Variants in YEATS2 observed in about 807,000 individuals in gnomAD.
YEATS2 encodes the protein YEATS domain containing 2.
YEATS2 carries 77 observed loss-of-function variants against 163.2 expected under a neutral mutation model. The ratio of observed to expected loss-of-function variants is 0.47; its 90% confidence interval spans 0.39 to 0.57. YEATS2 has a LOEUF of 0.57. Among genes scored for constraint, YEATS2 ranks in the 20% least tolerant of loss-of-function variants. The pLI, the probability that YEATS2 is intolerant of heterozygous loss-of-function variation, is 0.00. For missense variants in YEATS2, 1,549 were observed against 1,729.8 expected (o/e 0.90, Z 1.85); for synonymous variants, 631 against 645.1 (o/e 0.98, Z 0.33).
intron 1 of YEATS2, among the ~76,000 whole-genome samples, chr3:183,714,220 G>A (rs1715578610): frequency 6.7e-6 from 1 of 148,952 alleles, no homozygotes. Context: ...TTTTGAGATG[G>A]AGTCTCGCTC....
chr3:183,804,051 A>G lies in YEATS2; in HGVS notation c.3647A>G (p.His1216Arg), dbSNP rs779650841. ...ATCCTGGAGAAGAATCCGAGATTTC[A>G]CCACCTGACTCCCCTCAAAACCAAG... Reference protein sequence around the residue: ...QEILEKNPRFHHLTPLKTKHI... With the variant: ...QEILEKNPRFRHLTPLKTKHI... Residue 1216 changes from histidine (H) to arginine (R), a missense_variant, in exon 27 of 31, where the codon CAC (histidine) becomes CGC (arginine). His to Arg is a conservative substitution (Grantham distance 29, BLOSUM62 0). Coordinates refer to ENST00000305135, the MANE Select transcript of YEATS2 (RefSeq NM_018023.5). 5.0e-6 allele frequency: 8 copies of G among 1,614,024 alleles called. No homozygotes were observed. The Admixed American group carries it at 5.0e-5, about 10-fold the overall frequency.
chr3:183,764,298 G>C (rs1721671658), intron 15 of YEATS2, among the ~76,000 whole-genome samples: 1 of 149,490 alleles, frequency 6.7e-6, no homozygotes, highest in Non-Finnish European at 1.5e-5. Context: ...TTGAACACAG[G>C]AGGTGGAAGT....
intron 10 of YEATS2, among the ~76,000 whole-genome samples, chr3:183,752,626 T>C (rs1720298328): frequency 6.8e-6 from 1 of 147,374 alleles, no homozygotes; most frequent in African/African-American, 2.5e-5. Context: ...GGAGAATGGC[T>C]CGAACCCGGG....
At chr3:183,751,339 A>G (rs1409580340) in intron 9 of YEATS2, among the ~76,000 whole-genome samples, 1 of 152,178 alleles carries the variant, frequency 6.6e-6, no homozygotes, top group African/African-American at 2.4e-5. Flanking sequence ...TGGCTTTGTA[A>G]TAAATTTTGA....
intron 16 of YEATS2, among the ~76,000 whole-genome samples, chr3:183,772,950 A>G (rs1166698970): frequency 2.0e-5 from 3 of 152,160 alleles, no homozygotes; most frequent in Non-Finnish European, 4.4e-5. Flanking sequence ...ACTTTACTTT[A>G]TATCATCTCT....
intron 25 of YEATS2, 110 bp from the exon 26 acceptor site, chr3:183,803,146 A>T: frequency 8.8e-7 from 1 of 1,132,030 alleles, no homozygotes; most frequent in Non-Finnish European, 1.3e-6. Context: ...AGTAAGGAAC[A>T]TACATGCGAT....
At chr3:183,725,039 G>GT (rs1398626015) in intron 6 of YEATS2, among the ~76,000 whole-genome samples, 2 of 121,372 alleles carry the variant, frequency 1.6e-5, no homozygotes, top group Non-Finnish European at 3.4e-5. Context: ...CACCGTGCCG[G>GT]CCTTTTTTTT....
At chr3:183,797,004 C>CA (rs1359442632) in intron 21 of YEATS2, among the ~76,000 whole-genome samples, 3 of 152,106 alleles carry the variant, frequency 2.0e-5, no homozygotes, top group Non-Finnish European at 4.4e-5. Flanking sequence ...CGCGGTAGCT[C>CA]ACGCCTGTAA....
chr3:183,806,758 G>C, intron 27 of YEATS2, 108 bp from the exon 28 acceptor site: 1 of 1,102,472 alleles, frequency 9.1e-7, no homozygotes, highest in South Asian at 1.6e-5. Flanking sequence ...AAGAAGGTCA[G>C]CTCCCCTGAT....
At chr3:183,766,913 A>C (rs1227005793) in intron 15 of YEATS2, among the ~76,000 whole-genome samples, 1 of 149,412 alleles carries the variant, frequency 6.7e-6, no homozygotes, top group Non-Finnish European at 1.5e-5. Context: ...GGGCTCAAGC[A>C]GTCTGCCTGC....
intron 21 of YEATS2, among the ~76,000 whole-genome samples, chr3:183,792,962 T>C (rs1447835391): frequency 6.6e-6 from 1 of 152,364 alleles, no homozygotes; most frequent in East Asian, 1.9e-4. Flanking sequence ...GAAGCTAATA[T>C]AATATATGGC....
rs199760590 is a variant in YEATS2 at position 183,724,580 on chromosome 3, T to G, written c.650+49T>G. ...TTTATTTGTCCATTTGTGTTAATAT[T>G]TTGGCATTAATACTCTTACAGTGTT... On this transcript the variant is annotated intron_variant, in intron 6 of 30. Transcript: ENST00000305135. The G allele has an allele frequency of 1.8e-3, 2,587 of 1,415,794 alleles. 10 individuals are homozygous for G. The highest frequency in any genetic ancestry group is 2.9e-3 in the South Asian group (234 of 81,494). The allele number at this position is 1,415,794 out of a possible 1,614,324, so 87.7% of individuals were successfully genotyped here.
intron 15 of YEATS2, among the ~76,000 whole-genome samples, chr3:183,763,921 G>T (rs1434974867): frequency 1.3e-5 from 2 of 151,890 alleles, no homozygotes; most frequent in African/African-American, 2.4e-5. Context: ...TACAAAAACC[G>T]AGCGTGGTGG....
chr3:183,722,278 C>CT lies in YEATS2; in HGVS notation c.537+170dup, dbSNP rs200048624. ...TCCTTTTATAATGGGGAAACCAAATCTTTTTTTTTTTTTTTTTTTTTTTTT... is the reference window on the plus strand; with the variant it reads ...TCCTTTTATAATGGGGAAACCAAATCTTTTTTTTTTTTTTTTTTTTTTTTTT... On this transcript the variant is annotated intron_variant, in intron 5 of 30. Coordinates refer to ENST00000305135, the MANE Select transcript of YEATS2 (RefSeq NM_018023.5). 1,506 of 310,032 alleles carry CT rather than the reference C, an allele frequency of 4.9e-3. 82 individuals are homozygous for CT. Among genetic ancestry groups the CT allele is most frequent in the African/African-American group, 0.028 (619 of 22,018 alleles). The allele number at this position is 310,032 out of a possible 1,614,324, so 19.2% of individuals were successfully genotyped here.
At chr3:183,776,557 CTA>C (rs767319616) in intron 18 of YEATS2, among the ~76,000 whole-genome samples, 2 of 151,922 alleles carry the variant, frequency 1.3e-5, no homozygotes, top group Non-Finnish European at 1.5e-5. Flanking sequence ...CAAAAAAAAA[CTA>C]TGTGTTTTTA....
intron 1 of YEATS2, among the ~76,000 whole-genome samples, chr3:183,698,815 C>A (rs1009560380): frequency 2.0e-5 from 3 of 152,110 alleles, no homozygotes; most frequent in Non-Finnish European, 2.9e-5. Flanking sequence ...TTTCCCCTTT[C>A]TTAATGAGTA....
intron 21 of YEATS2, among the ~76,000 whole-genome samples, chr3:183,794,025 A>G (rs1168610124): frequency 6.6e-6 from 1 of 152,216 alleles, no homozygotes; most frequent in Non-Finnish European, 1.5e-5. Flanking sequence ...TTGGGACAGA[A>G]GCTGCGTGAG....
At chr3:183,719,724 G>A (rs1716297504) in intron 4 of YEATS2, among the ~76,000 whole-genome samples, 1 of 151,804 alleles carries the variant, frequency 6.6e-6, no homozygotes, top group Non-Finnish European at 1.5e-5. Flanking sequence ...GAATGCAGTG[G>A]CTATTCACAA....
At chr3:183,718,711 T>C (rs1030423797) in intron 4 of YEATS2, 119 bp downstream of exon 4, 34 of 902,226 alleles carry the variant, frequency 3.8e-5, no homozygotes, top group Non-Finnish European at 4.9e-5. Context: ...TTTTTGGTTT[T>C]TTTTTGAGAC....
Sources: allele counts gnomAD v4.1 joint callset (sites outside exome capture counted in the v4.1 genomes callset), GRCh38; gene constraint gnomAD v4.1.1; transcripts MANE v1.5; gene names NCBI Gene and HGNC (gene_info 2026-07-23, HGNC 2026-07-21).